RBFOX1: variants seen among roughly 807,000 people sequenced by gnomAD.
The protein encoded by RBFOX1 is RNA binding protein fox-1 homolog 1.
RBFOX1 carries 8 observed loss-of-function variants against 57.7 expected under a neutral mutation model. The observed-to-expected ratio is 0.14, with a 90% CI of 0.08 to 0.25. The LOEUF is 0.25. Ranked by LOEUF, RBFOX1 falls within the 10% of genes least tolerant of loss-of-function variation. RBFOX1 has a pLI of 1.00. For missense variants in RBFOX1, 611 were observed against 548.5 expected, an observed-to-expected ratio of 1.11 and a Z score of -1.14; for synonymous variants, 326 against 222.4, an observed-to-expected ratio of 1.47 and a Z score of -4.15.
intron 1 of RBFOX1, among the ~76,000 whole-genome samples, chr16:6,185,523 C>G (rs949020171): frequency 6.6e-6 from 1 of 152,226 alleles, no homozygotes; most frequent in African/African-American, 2.4e-5. Context: ...CCCAGCCTGT[C>G]TCTTTCCACT....
intron 2 of RBFOX1, among the ~76,000 whole-genome samples, chr16:6,377,050 T>A (rs996465158): frequency 1.8e-4 from 27 of 151,936 alleles, no homozygotes; most frequent in East Asian, 9.7e-4. Context: ...GGCAGGTGGA[T>A]CACTTTGAAC....
chr16:5,450,088 A>G (rs554367534), intron 1 of RBFOX1, among the ~76,000 whole-genome samples: 2 of 152,316 alleles, frequency 1.3e-5, no homozygotes, highest in African/African-American at 4.8e-5. Context: ...AGCAGGAACT[A>G]TGTAATTCAC....
At chr16:6,983,391 G>A (rs928342602) in intron 3 of RBFOX1, among the ~76,000 whole-genome samples, 1 of 151,476 alleles carries the variant, frequency 6.6e-6, no homozygotes, top group Non-Finnish European at 1.5e-5. Flanking sequence ...TAGGGTGGGA[G>A]AATATCGAGA....
chr16:5,396,141 A>C (rs1376586140), intron 1 of RBFOX1, among the ~76,000 whole-genome samples: 1 of 152,232 alleles, frequency 6.6e-6, no homozygotes, highest in Admixed American at 6.5e-5. Context: ...GTAGCAAATC[A>C]GTAACTAACT....
At chr16:6,363,603 G>T (rs1201573102) in intron 2 of RBFOX1, among the ~76,000 whole-genome samples, 7 of 152,210 alleles carry the variant, frequency 4.6e-5, no homozygotes, top group Non-Finnish European at 8.8e-5. Flanking sequence ...TTTTTGAAGG[G>T]AACAGCAGTG....
At chr16:5,997,494 G>A (rs974365433) in intron 4 of RBFOX1, among the ~76,000 whole-genome samples, 2 of 152,138 alleles carry the variant, frequency 1.3e-5, no homozygotes, top group Admixed American at 1.3e-4. Context: ...TGACTATGTG[G>A]CAGATAATGT....
chr16:5,347,133 C>A (rs1406673342), intron 1 of RBFOX1, among the ~76,000 whole-genome samples: 1 of 152,138 alleles, frequency 6.6e-6, no homozygotes, highest in Non-Finnish European at 1.5e-5. Flanking sequence ...CCTCCTGGCA[C>A]CTGATATCTC....
intron 3 of RBFOX1, among the ~76,000 whole-genome samples, chr16:5,725,662 G>C (rs1434143596): frequency 6.6e-6 from 1 of 151,634 alleles, no homozygotes. Flanking sequence ...CATATAAGGA[G>C]AATCAGAGAG....
Position 7,653,796 on chromosome 16 carries a change from C to G in RBFOX1, c.758-19C>G, listed in dbSNP as rs749169324. 3 of 1,607,824 alleles carry G rather than the reference C, an allele frequency of 1.9e-6. No individual in the cohort carries two copies. Among genetic ancestry groups the G allele is most frequent in the South Asian group, 1.1e-5 (1 of 91,016 alleles). On this transcript the variant is annotated intron_variant, in intron 11 of 15. Transcript: ENST00000550418. ...CTGACAGCCTGTGCTCTCTCTCTCT[C>G]TCTCCTCTTGCCCCGCAGTGCCAGG...
intron 1 of RBFOX1, among the ~76,000 whole-genome samples, chr16:5,267,916 T>A (rs1328332140): frequency 6.6e-6 from 1 of 152,016 alleles, no homozygotes; most frequent in Non-Finnish European, 1.5e-5. Flanking sequence ...ACATCTCTAC[T>A]AAAAATACAA....
chr16:5,424,980 TTTC>T (rs2067495977), intron 1 of RBFOX1, among the ~76,000 whole-genome samples: 1 of 10,156 alleles, frequency 9.8e-5, no homozygotes, highest in African/African-American at 9.6e-4. Flanking sequence ...CTTTCTTTCT[TTTC>T]TTTTCTTTTC....
At chr16:7,287,688 A>G (rs1458744755) in intron 4 of RBFOX1, among the ~76,000 whole-genome samples, 1 of 152,248 alleles carries the variant, frequency 6.6e-6, no homozygotes, top group Non-Finnish European at 1.5e-5. Context: ...TCGCCTCTCA[A>G]CACCACATTT....
At chr16:5,945,819 G>A (rs1378146991) in intron 4 of RBFOX1, among the ~76,000 whole-genome samples, 1 of 152,158 alleles carries the variant, frequency 6.6e-6, no homozygotes, top group Non-Finnish European at 1.5e-5. Context: ...CAGACCATCT[G>A]GGCATCCTTC....
At chr16:7,622,235 G>GA (rs113379270) in intron 10 of RBFOX1, among the ~76,000 whole-genome samples, 5,997 of 152,126 alleles carry the variant, frequency 0.039, 390 homozygotes, top group African/African-American at 0.14. Flanking sequence ...CTCAGGCAAG[G>GA]AAAAAGAGTT....
chr16:5,914,265 C>G (rs1345329102), intron 4 of RBFOX1, among the ~76,000 whole-genome samples: 1 of 152,212 alleles, frequency 6.6e-6, no homozygotes, highest in African/African-American at 2.4e-5. Context: ...TATCACAAAA[C>G]TTGGCAACTT....
rs559454676 is a variant in RBFOX1 at position 6,864,699 on chromosome 16, A to G, written c.-15-187358A>G. On this transcript the variant is annotated intron_variant, in intron 3 of 15. Coordinates refer to ENST00000550418, the MANE Select transcript of RBFOX1 (RefSeq NM_018723.4). ...GGCTTTTAAAGCCTTTCAATAATGC[A>G]TGGAATCCTGAAGAAAAAGTTGCTT... Among the ~76,000 whole-genome samples the G allele has an allele frequency of 5.8e-4, 88 of 152,184 alleles. 2 individuals are homozygous for G. The South Asian group carries it at 0.018, about 31-fold the overall frequency.
rs139549318 is a variant in RBFOX1, at chr16:7,378,890, G to T, written c.28-139257G>T. On this transcript the variant is annotated intron_variant, in intron 4 of 15. Coordinates refer to ENST00000550418, the MANE Select transcript of RBFOX1 (RefSeq NM_018723.4). ...GTATTATTAAGTGGCAATAACGAAGGACTTCTTTAGATTATCACTGTTTCA... is the reference window on the plus strand; with the variant it reads ...GTATTATTAAGTGGCAATAACGAAGTACTTCTTTAGATTATCACTGTTTCA... Among the ~76,000 whole-genome samples, 3 of 152,264 alleles carry T rather than the reference G, an allele frequency of 2.0e-5. No individual in the cohort carries two copies. In the East Asian group the frequency reaches 5.8e-4, roughly 29 times the overall value.
intron 1 of RBFOX1, among the ~76,000 whole-genome samples, chr16:5,277,648 T>G (rs1466538856): frequency 6.6e-6 from 1 of 152,064 alleles, no homozygotes; most frequent in Non-Finnish European, 1.5e-5. Flanking sequence ...GGCACACAAG[T>G]CCATAACTGC....
intron 3 of RBFOX1, among the ~76,000 whole-genome samples, chr16:6,728,375 C>CT (rs2067732477): frequency 4.1e-4 from 2 of 4,832 alleles, no homozygotes; most frequent in Non-Finnish European, 0.013. Flanking sequence ...AATGTCTTGT[C>CT]GTTGTTTCTT....
Sources: allele counts gnomAD v4.1 joint callset (sites outside exome capture counted in the v4.1 genomes callset), GRCh38; gene constraint gnomAD v4.1.1; transcripts MANE v1.5; gene names NCBI Gene and HGNC (gene_info 2026-07-23, HGNC 2026-07-21).